Variants in DPF3 observed in about 807,000 individuals in gnomAD.
DPF3 encodes the protein zinc finger protein DPF3.
A neutral mutation model predicts 56.8 loss-of-function variants in DPF3; 18 were observed. The observed-to-expected ratio is 0.32, with a 90% CI of 0.22 to 0.47. DPF3 has a LOEUF of 0.47. Among genes scored for constraint, DPF3 ranks in the 20% least tolerant of loss-of-function variants. The probability of loss-of-function intolerance (pLI) is 1.00; values close to 1 mark genes in which losing one functional copy is unlikely to be tolerated. For synonymous variants in DPF3, 188 were observed against 180.2 expected (o/e 1.04, Z -0.35); for missense variants, 403 against 488.8 (o/e 0.82, Z 1.65).
At chr14:72,631,137 G>T (rs78591069) in intron 8 of DPF3, among the ~76,000 whole-genome samples, 1 of 152,168 alleles carries the variant, frequency 6.6e-6, no homozygotes, top group African/African-American at 2.4e-5. Context: ...TGGAGAGGGC[G>T]AGGGGTGTAG....
At position 72,612,707 on chromosome 14, in the gene DPF3, C is replaced by A; in HGVS notation, c.*6590G>T. On this transcript the variant is annotated 3_prime_UTR_variant, in exon 11 of 11. Coordinates refer to ENST00000556509, the MANE Select transcript of DPF3 (RefSeq NM_001280542.3). ...ATTCTAGCCATAAAAGCTTTGCATCCCTTTGATAGCAGAATTGAGACTTTT... is the reference window on the plus strand; with the variant it reads ...ATTCTAGCCATAAAAGCTTTGCATCACTTTGATAGCAGAATTGAGACTTTT... The A allele has an allele frequency of 4.3e-6, 2 of 460,704 alleles. No individual in the cohort carries two copies. Among genetic ancestry groups the A allele is most frequent in the Non-Finnish European group, 8.7e-6 (2 of 228,692 alleles). 28.5% of individuals were successfully genotyped at this position (460,704 alleles called of 1,614,324 possible). A position where few individuals can be genotyped will look rare whatever the true frequency, so the allele number is the denominator to read the frequency against.
chr14:72,649,010 G>T (rs1379303795), intron 8 of DPF3, among the ~76,000 whole-genome samples: 1 of 151,992 alleles, frequency 6.6e-6, no homozygotes, highest in East Asian at 1.9e-4. Flanking sequence ...CTCGCTGGCT[G>T]CCCCTTCTTG....
chr14:72,806,469 T>C (rs1032559584), intron 1 of DPF3, among the ~76,000 whole-genome samples: 1 of 152,232 alleles, frequency 6.6e-6, no homozygotes, highest in Non-Finnish European at 1.5e-5. Context: ...TCCGCTCTTA[T>C]GGCTCCAACT....
intron 1 of DPF3, among the ~76,000 whole-genome samples, chr14:72,833,730 G>T (rs1884163170): frequency 6.6e-6 from 1 of 152,152 alleles, no homozygotes; most frequent in Non-Finnish European, 1.5e-5. Flanking sequence ...GAATAATCAT[G>T]TGTTAAAATA....
chr14:72,687,810 C>A (rs1262310663), intron 7 of DPF3, among the ~76,000 whole-genome samples: 2 of 152,148 alleles, frequency 1.3e-5, no homozygotes, highest in East Asian at 3.9e-4. Flanking sequence ...CCCTGGAGAG[C>A]TTTGTAAGAC....
At chr14:72,773,824 ATTTTAAGTCAGAATAATATT>A (rs1230729290) in intron 1 of DPF3, 1 of 448,176 alleles carries the variant, frequency 2.2e-6, no homozygotes, top group African/African-American at 2.3e-5. Flanking sequence ...TCAGAATAAT[ATTTTAAGTCAGAATAATATT>A]TTTTAAGTCA....
intron 1 of DPF3, among the ~76,000 whole-genome samples, chr14:72,777,802 T>C (rs780822367): frequency 6.6e-6 from 1 of 152,132 alleles, no homozygotes; most frequent in African/African-American, 2.4e-5. Context: ...TCTGCCATGA[T>C]TGTAAGTTTC....
rs150416376 is a variant in DPF3, at chr14:72,683,058, G to A, written c.743-8690C>T. On this transcript the variant is annotated intron_variant, in intron 7 of 10. Transcript: ENST00000556509. ...ATGCAAATTCCCAGTCAGGCACAGTGGCTCATGCCTGTAATCCCAGAATTT... is the reference window on the plus strand; with the variant it reads ...ATGCAAATTCCCAGTCAGGCACAGTAGCTCATGCCTGTAATCCCAGAATTT... Among the ~76,000 whole-genome samples, 1,468 of 152,336 alleles carry A rather than the reference G, an allele frequency of 9.6e-3. 30 individuals carry two copies. The highest frequency in any genetic ancestry group is 0.034 in the African/African-American group (1,395 of 41,568).
At chr14:72,662,950 A>G (rs80029641) in intron 8 of DPF3, 4 of 593,482 alleles carry the variant, frequency 6.7e-6, no homozygotes, top group South Asian at 8.0e-5. Context: ...AAAAAAAAAA[A>G]GAAGAAGAAA....
intron 6 of DPF3, 140 bp downstream of exon 6, chr14:72,714,283 C>T (rs1317654882): frequency 1.1e-5 from 12 of 1,069,274 alleles, no homozygotes; most frequent in African/African-American, 1.6e-5. Flanking sequence ...AGGCGGCAGG[C>T]GAGTAAGCTG....
rs573261765 is a variant in DPF3, at chr14:72,670,265, C to T, written c.871+3975G>A. ...GGTGGAGTCACTGCTGAGCCCATGA[C>T]GTTCTGCTTATATTCCATCCCTGCA... On this transcript the variant is annotated intron_variant, in intron 8 of 10. Transcript: ENST00000556509. The T allele has an allele frequency of 8.0e-5, 79 of 985,912 alleles. No individual in the cohort carries two copies. The East Asian group carries it at 6.7e-3, about 84-fold the overall frequency. 61.1% of individuals were successfully genotyped at this position (985,912 alleles called of 1,614,324 possible).
chr14:72,638,287 C>T (rs757655), intron 8 of DPF3, among the ~76,000 whole-genome samples: 98,070 of 152,084 alleles, frequency 0.64, 32,691 homozygotes, highest in East Asian at 0.99. Context: ...TGAATCATTG[C>T]CCAGAGCCCA....
chr14:72,715,011 T>A (rs1024433904), intron 5 of DPF3, among the ~76,000 whole-genome samples: 2 of 152,144 alleles, frequency 1.3e-5, no homozygotes, highest in African/African-American at 4.8e-5. Flanking sequence ...GGCTTCTGTG[T>A]CCATCCCCGC....
intron 1 of DPF3, among the ~76,000 whole-genome samples, chr14:72,846,937 A>G (rs1884785715): frequency 6.6e-6 from 1 of 152,158 alleles, no homozygotes; most frequent in African/African-American, 2.4e-5. Flanking sequence ...TATTTTTTCA[A>G]AACACCAGCC....
chr14:72,765,315 T>C (rs1303287181), intron 2 of DPF3, among the ~76,000 whole-genome samples: 2 of 152,194 alleles, frequency 1.3e-5, no homozygotes, highest in African/African-American at 2.4e-5. Flanking sequence ...TGTAAAATGG[T>C]ACAACCACTT....
intron 8 of DPF3, among the ~76,000 whole-genome samples, chr14:72,632,290 C>T (rs1885212292): frequency 6.6e-6 from 1 of 152,138 alleles, no homozygotes; most frequent in Admixed American, 6.5e-5. Flanking sequence ...ACTGTACATA[C>T]ACATACACAT....
intron 1 of DPF3, among the ~76,000 whole-genome samples, chr14:72,890,022 A>T (rs1886689454): frequency 6.6e-6 from 1 of 152,208 alleles, no homozygotes; most frequent in Non-Finnish European, 1.5e-5. Context: ...GGCAATTATA[A>T]TAATAGACAT....
chr14:72,753,374 G>A lies in DPF3; in HGVS notation c.194-3C>T, dbSNP rs138536668. On this transcript the variant is annotated splice_polypyrimidine_tract_variant and splice_region_variant and intron_variant, in intron 2 of 10. Transcript: ENST00000556509. Reference sequence around the variant, plus strand: ...ATACAGCTGGCCCGGGGCAAGGCCTGTGGACAGAGACAATATAAAGATTAA... The same window carrying A: ...ATACAGCTGGCCCGGGGCAAGGCCTATGGACAGAGACAATATAAAGATTAA... 228 of 1,608,030 alleles carry A rather than the reference G, an allele frequency of 1.4e-4. No homozygotes were observed. In the African/African-American group the frequency reaches 2.8e-3, roughly 19 times the overall value.
chr14:72,662,162 C>CT, intron 8 of DPF3: 1 of 985,306 alleles, frequency 1.0e-6, no homozygotes, highest in Non-Finnish European at 1.2e-6. Context: ...GAAAAAAAAA[C>CT]TGAGCACTCC....
Sources: allele counts gnomAD v4.1 joint callset (sites outside exome capture counted in the v4.1 genomes callset), GRCh38; gene constraint gnomAD v4.1.1; transcripts MANE v1.5; gene names NCBI Gene and HGNC (gene_info 2026-07-23, HGNC 2026-07-21).